Variants in DGKG observed in about 807,000 individuals in gnomAD.
DGKG encodes diacylglycerol kinase gamma, also known as DAG kinase gamma.
DGKG carries 78 observed loss-of-function variants against 105.3 expected under a neutral mutation model. That is an observed-to-expected ratio of 0.74 (90% confidence interval 0.62 to 0.89). The LOEUF is 0.89. DGKG is among the 40% of genes least tolerant of loss of function. The probability of loss-of-function intolerance (pLI) is 0.00; values close to 1 mark genes in which losing one functional copy is unlikely to be tolerated. For missense variants in DGKG, 958 were observed against 1,020.1 expected, an observed-to-expected ratio of 0.94 and a Z score of 0.83; for synonymous variants, 346 against 367.1, an observed-to-expected ratio of 0.94 and a Z score of 0.66.
chr3:186,332,485 T>C (rs1282866581), intron 1 of DGKG, among the ~76,000 whole-genome samples: 1 of 152,132 alleles, frequency 6.6e-6, no homozygotes, highest in Non-Finnish European at 1.5e-5. Flanking sequence ...GTCTCCTTTA[T>C]GAAATTACTA....
chr3:186,283,489 C>A (rs919586164), intron 7 of DGKG, among the ~76,000 whole-genome samples: 2 of 152,170 alleles, frequency 1.3e-5, no homozygotes, highest in African/African-American at 4.8e-5. Flanking sequence ...CCTAGAGAGG[C>A]CTTCCTCGGC....
In DGKG at chr3:186,268,802, G is replaced by A. The variant is rs372904433; in HGVS notation, c.1115C>T (p.Thr372Met). Residue 372 changes from threonine (T) to methionine (M), a missense_variant and splice_region_variant, in exon 12 of 25, where the codon ACG (threonine) becomes ATG (methionine). By Grantham distance (81) the Thr-to-Met change is moderately conservative. Around this residue, in one of 2 missense-constraint regions of DGKG, gnomAD observed 643 missense variants for 619.5 expected, o/e 1.04. Transcript: ENST00000265022. The stretch of plus-strand genomic sequence containing the variant: ...GGGCCGCCCTGGGCGCCAACCCACC[G>A]TCATCCGGCACCACACGCAGTGCCG... ...TARHCVWCRM[T>M]FHRKCELSTL... The A allele has an allele frequency of 6.2e-5, 100 of 1,609,724 alleles. No homozygotes were observed. Among genetic ancestry groups the A allele is most frequent in the East Asian group, 2.7e-4 (12 of 44,822 alleles).
intron 2 of DGKG, among the ~76,000 whole-genome samples, chr3:186,312,109 C>T (rs1232392262): frequency 9.5e-5 from 8 of 83,948 alleles, no homozygotes; most frequent in African/African-American, 8.5e-5. Flanking sequence ...GGCGACAGAG[C>T]GAGACTCCGT....
At chr3:186,234,431 T>G (rs1720314009) in intron 20 of DGKG, among the ~76,000 whole-genome samples, 1 of 152,228 alleles carries the variant, frequency 6.6e-6, no homozygotes, top group Admixed American at 6.5e-5. Context: ...CCTCAACTCT[T>G]GTGAACTGAT....
chr3:186,280,355 G>A (rs1287899002), intron 8 of DGKG, among the ~76,000 whole-genome samples: 2 of 152,210 alleles, frequency 1.3e-5, no homozygotes, highest in Non-Finnish European at 1.5e-5. Flanking sequence ...GATTGAGGAA[G>A]ATCTCTACAA....
intron 1 of DGKG, among the ~76,000 whole-genome samples, chr3:186,352,872 A>G (rs1475738723): frequency 2.0e-5 from 3 of 152,054 alleles, no homozygotes; most frequent in Admixed American, 1.3e-4. Flanking sequence ...GTCAGTCCCC[A>G]CTTATGAGTT....
Position 186,203,507 on chromosome 3 carries a change from G to C in DGKG, c.1917+8288C>G, listed in dbSNP as rs781274425. On this transcript the variant is annotated intron_variant, in intron 21 of 24. Coordinates refer to ENST00000265022, the MANE Select transcript of DGKG (RefSeq NM_001346.3). This position sits in a 1 kb window ranked among gnomAD's most constrained non-coding sequence, Gnocchi z 4.9. ...ATATTAGGAGTAGCGGAAAGAAACC[G>C]ATTAGGAGGAAGCAGAAAGAAACCA... 6.6e-6 allele frequency among the ~76,000 whole-genome samples: 1 copy of C among 152,174 alleles called. No homozygotes were observed.
rs1342209145 is a variant in DGKG, at chr3:186,297,472, G to A, written c.322C>T (p.Gln108Ter). 3.1e-6 allele frequency: 5 copies of A among 1,610,858 alleles called. No individual in the cohort carries two copies. The highest frequency in any genetic ancestry group is 4.2e-6 in the Non-Finnish European group (5 of 1,177,028). The change falls in exon 5 of 25, where the codon CAG (glutamine) becomes TAG (stop). Residue 108 changes from glutamine to a stop codon, truncating the protein, a stop_gained. Coordinates refer to ENST00000265022, the MANE Select transcript of DGKG (RefSeq NM_001346.3). LOFTEE classifies it high-confidence loss of function. Reference sequence around the variant, plus strand: ...GCTTTGGTGGCATTATCTGCATTCTGTATATTAGTATCTGAGGAAAAAAAA... The same window carrying A: ...GCTTTGGTGGCATTATCTGCATTCTATATATTAGTATCTGAGGAAAAAAAA... The part of the protein sequence containing the change: ...SEANSADTNI[Q>*]NADNATKADE...
chr3:186,343,507 G>T (rs111919419), intron 1 of DGKG, among the ~76,000 whole-genome samples: 31 of 152,104 alleles, frequency 2.0e-4, no homozygotes, highest in African/African-American at 7.2e-4. Context: ...TGCCCAGGCT[G>T]GTCTCAATTT....
At chr3:186,163,931 T>C (rs184767848) in intron 23 of DGKG, among the ~76,000 whole-genome samples, 7 of 151,952 alleles carry the variant, frequency 4.6e-5, no homozygotes, top group Admixed American at 4.6e-4. Context: ...AGAGCAAAGC[T>C]TTGGGGAATA....
Position 186,297,068 on chromosome 3 carries a change from T to TCA in DGKG, c.373+351_373+352dup, listed in dbSNP as rs55826465. Reference sequence around the variant, plus strand: ...CTCTCTGTCTGTCTGTCTGTCTCTCTCACACACACACACACACACACACAC... The same window carrying TCA: ...CTCTCTGTCTGTCTGTCTGTCTCTCTCACACACACACACACACACACACACAC... On this transcript the variant is annotated intron_variant, in intron 5 of 24. Transcript: ENST00000265022. Among the ~76,000 whole-genome samples the TCA allele has an allele frequency of 7.8e-3, 1,022 of 130,462 alleles. 7 individuals carry two copies. Among genetic ancestry groups the TCA allele is most frequent in the East Asian group, 0.038 (169 of 4,406 alleles). 85.6% of individuals were successfully genotyped at this position (130,462 alleles called of 152,430 possible).
chr3:186,276,711 G>C (rs1415391045), intron 9 of DGKG, among the ~76,000 whole-genome samples: 1 of 152,204 alleles, frequency 6.6e-6, no homozygotes, highest in Admixed American at 6.5e-5. Context: ...AGCACAGCTT[G>C]AGGAATGTCC....
intron 3 of DGKG, among the ~76,000 whole-genome samples, chr3:186,299,154 T>C (rs1466439341): frequency 2.0e-5 from 3 of 152,178 alleles, no homozygotes; most frequent in Non-Finnish European, 1.5e-5. Context: ...CTTCATCAAA[T>C]CGGCAGATGC....
chr3:186,329,546 G>A (rs1024529453), intron 1 of DGKG, among the ~76,000 whole-genome samples: 1 of 152,138 alleles, frequency 6.6e-6, no homozygotes, highest in African/African-American at 2.4e-5. Flanking sequence ...ACATCAGATT[G>A]GAGAAGCCTA....
intron 22 of DGKG, among the ~76,000 whole-genome samples, chr3:186,176,922 C>T (rs764990564): frequency 2.0e-5 from 3 of 152,072 alleles, no homozygotes; most frequent in Admixed American, 6.5e-5. Flanking sequence ...GAGGTTTGGG[C>T]GTGGAGGCAG....
chr3:186,279,430 C>T (rs1012723479), intron 9 of DGKG: 1 of 154,612 alleles, frequency 6.5e-6, no homozygotes, highest in Non-Finnish European at 1.4e-5. Flanking sequence ...TGGAAGCCAC[C>T]CCCACAACAG....
chr3:186,325,627 T>A (rs899562667), intron 1 of DGKG, among the ~76,000 whole-genome samples: 1 of 152,034 alleles, frequency 6.6e-6, no homozygotes, highest in Non-Finnish European at 1.5e-5. Context: ...TAGTTAGGAG[T>A]CTATTGTAAG....
chr3:186,178,743 A>G (rs998632799), intron 22 of DGKG, among the ~76,000 whole-genome samples: 3 of 152,154 alleles, frequency 2.0e-5, no homozygotes, highest in African/African-American at 7.2e-5. Flanking sequence ...TGATTGCTTC[A>G]CTTGAATTTC....
At chr3:186,185,026 C>G (rs1486169042) in intron 22 of DGKG, among the ~76,000 whole-genome samples, 1 of 152,168 alleles carries the variant, frequency 6.6e-6, no homozygotes, top group Non-Finnish European at 1.5e-5. Context: ...ATATAATTGT[C>G]AGACTTGCTT....
Sources: allele counts gnomAD v4.1 joint callset (sites outside exome capture counted in the v4.1 genomes callset), GRCh38; gene constraint gnomAD v4.1.1; regional missense constraint gnomAD v4.1.1; non-coding constraint Gnocchi (gnomAD v3.1); transcripts MANE v1.5; gene names NCBI Gene and HGNC (gene_info 2026-07-23, HGNC 2026-07-21).